Variants in RNF212B observed in about 807,000 individuals in gnomAD.
RNF212B encodes the protein E3 ubiquitin-protein ligase RNF212B.
In RNF212B, 52 loss-of-function variants were observed where a neutral mutation model predicts 55.5. That is an observed-to-expected ratio of 0.94 (90% CI 0.75 to 1.18). The LOEUF (loss-of-function observed/expected upper bound fraction) is 1.18, where lower values mean the gene tolerates loss of function less well. Ranked by LOEUF, RNF212B falls within the 50% of genes most tolerant of loss-of-function variation. RNF212B has a pLI of 0.00. For synonymous variants in RNF212B, 99 were observed against 121.4 expected (o/e 0.82, Z 1.21); for missense variants, 289 against 350.4 (o/e 0.82, Z 1.40).
intron 1 of RNF212B, among the ~76,000 whole-genome samples, chr14:23,186,248 G>A (rs1454103861): frequency 6.6e-6 from 1 of 152,104 alleles, no homozygotes; most frequent in African/African-American, 2.4e-5. Context: ...AATTCCAGGT[G>A]ACTAACATTG....
chr14:23,217,255 T>TTGG (rs1484446323), intron 2 of RNF212B, among the ~76,000 whole-genome samples: 2 of 23,932 alleles, frequency 8.4e-5, no homozygotes, highest in African/African-American at 1.8e-4. Context: ...GTGGCAGTGG[T>TTGG]GGGGGGGGGG....
chr14:23,230,653 C>CAAAAAA (rs60122483), intron 2 of RNF212B, among the ~76,000 whole-genome samples: 5 of 74,002 alleles, frequency 6.8e-5, no homozygotes, highest in Admixed American at 1.7e-4. Flanking sequence ...GACTCCATCT[C>CAAAAAA]AAAAAAAAAA....
chr14:23,267,382 T>G (rs1236391695), intron 11 of RNF212B, among the ~76,000 whole-genome samples: 1 of 152,206 alleles, frequency 6.6e-6, no homozygotes, highest in Non-Finnish European at 1.5e-5. Context: ...ATGTTTCTCT[T>G]CTTGATAAAT....
chr14:23,273,008 T>C lies in RNF212B; in HGVS notation c.*117T>C, dbSNP rs1209403813. On this transcript the variant is annotated 3_prime_UTR_variant, in exon 15 of 15. Coordinates refer to ENST00000430154, the MANE Select transcript of RNF212B (RefSeq NM_001282322.3). Reference sequence around the variant, plus strand: ...CCTGCATTGTTTCCTAGTTTCACTCTGTACCTTATGCTCCCCCCATCTTTA... The same window carrying C: ...CCTGCATTGTTTCCTAGTTTCACTCCGTACCTTATGCTCCCCCCATCTTTA... The C allele has an allele frequency of 3.3e-6, 2 of 604,506 alleles. No homozygotes were observed. Among genetic ancestry groups the C allele is most frequent in the African/African-American group, 1.9e-5 (1 of 51,948 alleles). The allele number at this position is 604,506 out of a possible 1,614,324, so 37.4% of individuals were successfully genotyped here.
intron 1 of RNF212B, among the ~76,000 whole-genome samples, chr14:23,189,187 C>T (rs567149308): frequency 4.6e-5 from 7 of 152,302 alleles, no homozygotes; most frequent in East Asian, 3.9e-4. Flanking sequence ...CCCAAATCTT[C>T]GCTTCTAGTT....
intron 14 of RNF212B, 52 bp downstream of exon 14, chr14:23,270,713 G>A: frequency 8.1e-7 from 1 of 1,230,566 alleles, no homozygotes; most frequent in East Asian, 2.5e-5. Flanking sequence ...ACATGGTTAG[G>A]CCTGCACACT....
intron 4 of RNF212B, among the ~76,000 whole-genome samples, chr14:23,256,167 T>C (rs896205034): frequency 6.6e-6 from 1 of 152,144 alleles, no homozygotes; most frequent in African/African-American, 2.4e-5. Context: ...ATTTGGCTTA[T>C]CTTGATGCTA....
intron 2 of RNF212B, among the ~76,000 whole-genome samples, chr14:23,198,285 A>G (rs1878930614): frequency 6.6e-6 from 1 of 152,236 alleles, no homozygotes; most frequent in South Asian, 2.1e-4. Flanking sequence ...ATTGTCTTAC[A>G]TAACTCAAGG....
intron 2 of RNF212B, among the ~76,000 whole-genome samples, chr14:23,204,497 A>ATGTTTTTG (rs1423269620): frequency 2.0e-5 from 3 of 151,956 alleles, no homozygotes; most frequent in Non-Finnish European, 2.9e-5. Flanking sequence ...TCCCCACTTT[A>ATGTTTTTG]TGTTTTTGTT....
At chr14:23,203,572 G>A (rs1879542736) in intron 2 of RNF212B, among the ~76,000 whole-genome samples, 1 of 150,458 alleles carries the variant, frequency 6.6e-6, no homozygotes, top group Admixed American at 6.6e-5. Context: ...TCCACCTTCC[G>A]GGTTCAAGCA....
At chr14:23,246,086 G>A (rs1340532756) in intron 4 of RNF212B, among the ~76,000 whole-genome samples, 1 of 151,782 alleles carries the variant, frequency 6.6e-6, no homozygotes, top group African/African-American at 2.4e-5. Context: ...ATCTTTCTGA[G>A]GGACTGGAGA....
chr14:23,193,528 T>C (rs1350343109), intron 2 of RNF212B: 8 of 152,068 alleles, frequency 5.3e-5, no homozygotes, highest in African/African-American at 1.7e-4. Flanking sequence ...AAAATAAAAA[T>C]GCAGCTGAGG....
chr14:23,212,642 C>T (rs1169797259), intron 2 of RNF212B, among the ~76,000 whole-genome samples: 2 of 151,750 alleles, frequency 1.3e-5, no homozygotes, highest in Non-Finnish European at 2.9e-5. Context: ...AGTGCAGTGG[C>T]GCAGTCTCGG....
intron 2 of RNF212B, among the ~76,000 whole-genome samples, chr14:23,206,576 G>C (rs1308638882): frequency 6.6e-6 from 1 of 151,784 alleles, no homozygotes; most frequent in Non-Finnish European, 1.5e-5. Context: ...TCCTTTCTTA[G>C]ACTGTCAAGA....
In RNF212B at chr14:23,272,870, A is replaced by C. The variant is rs1886216943; in HGVS notation, c.882A>C (p.Glu294Asp). 1 of 1,545,236 alleles carries C rather than the reference A, an allele frequency of 6.5e-7. No individual in the cohort carries two copies. Among genetic ancestry groups the C allele is most frequent in the Non-Finnish European group, 8.7e-7 (1 of 1,142,936 alleles). ...RRHMGLPSGR[E>D]AWTTSR Reference sequence around the variant, plus strand: ...ATATGGGATTACCCAGTGGGAGAGAAGCATGGACCACTTCTAGATAGATCA... The same window carrying C: ...ATATGGGATTACCCAGTGGGAGAGACGCATGGACCACTTCTAGATAGATCA... Residue 294 changes from glutamate to aspartate, a missense_variant, in exon 15 of 15, where the codon GAA becomes GAC. Transcript: ENST00000430154.
intron 4 of RNF212B, among the ~76,000 whole-genome samples, chr14:23,250,866 G>A (rs1884355942): frequency 1.3e-5 from 2 of 152,186 alleles, no homozygotes; most frequent in Non-Finnish European, 2.9e-5. Flanking sequence ...TAGGTCATAG[G>A]TAGATAAGAG....
At chr14:23,270,776 C>G in intron 14 of RNF212B, 115 bp downstream of exon 14, 1 of 693,034 alleles carries the variant, frequency 1.4e-6, no homozygotes, top group Non-Finnish European at 2.6e-6. Context: ...TGGGTTTCAA[C>G]TCTGGTAACT....
Position 23,202,250 on chromosome 14 carries a change from T to TAA in RNF212B, c.-2+8866_-2+8867dup, listed in dbSNP as rs57327070. On this transcript the variant is annotated intron_variant, in intron 2 of 15. Coordinates refer to the RNF212B transcript ENST00000399910. The stretch of plus-strand genomic sequence containing the variant: ...TGGGCAACAGAACAAGACCCTGTCT[T>TAA]AAAAAAAAAAAAAAAAAAGCAGTTG... Among the ~76,000 whole-genome samples the TAA allele has an allele frequency of 4.2e-3, 567 of 134,066 alleles. 4 individuals carry two copies. Among genetic ancestry groups the TAA allele is most frequent in the African/African-American group, 0.015 (539 of 35,740 alleles). 88.0% of individuals were successfully genotyped at this position (134,066 alleles called of 152,430 possible).
rs767130735 is a variant in RNF212B, at chr14:23,240,356, T to C, written c.11T>C (p.Phe4Ser). 1.8e-5 allele frequency: 28 copies of C among 1,548,964 alleles called. No individual in the cohort carries two copies. The highest frequency in any genetic ancestry group is 3.5e-6 in the Non-Finnish European group (4 of 1,145,706). Residue 4 changes from phenylalanine (F) to serine (S), a missense_variant, in exon 2 of 15, where the codon TTT (phenylalanine) becomes TCT (serine). Transcript: ENST00000430154. MDWFHCNQCFRKDG... is the reference protein window; with the variant it reads MDWSHCNQCFRKDG... Reference sequence around the variant, plus strand: ...TTTATCTGCTCCAGAATGGATTGGTTTCATTGCAACCAGTGCTTCCGAAAA... The same window carrying C: ...TTTATCTGCTCCAGAATGGATTGGTCTCATTGCAACCAGTGCTTCCGAAAA...
Sources: gnomAD v4.1 joint callset for allele counts (sites outside exome capture counted in the v4.1 genomes callset) on GRCh38, gnomAD v4.1.1 for gene constraint, MANE v1.5 for transcripts, NCBI Gene and HGNC (gene_info 2026-07-23, HGNC 2026-07-21) for gene names.